Variants in MYLK observed in about 807,000 individuals in gnomAD.
The protein encoded by MYLK is myosin light chain kinase, smooth muscle.
MYLK carries 106 observed loss-of-function variants against 203.4 expected under a neutral mutation model. The ratio of observed to expected loss-of-function variants is 0.52; its 90% confidence interval spans 0.45 to 0.61. The LOEUF (loss-of-function observed/expected upper bound fraction) is 0.61, where lower values mean the gene tolerates loss of function less well. MYLK is among the 20% of genes least tolerant of loss of function. MYLK has a pLI of 0.00. For synonymous variants in MYLK, 867 were observed against 959.5 expected (o/e 0.90, Z 1.78); for missense variants, 2,072 against 2,442.3 (o/e 0.85, Z 3.20).
chr3:123,776,182 A>C (rs1036160198), intron 4 of MYLK, among the ~76,000 whole-genome samples: 4 of 152,198 alleles, frequency 2.6e-5, no homozygotes, highest in African/African-American at 9.7e-5. Context: ...CTACTGAAGG[A>C]TTCTTGGTTT....
chr3:123,650,083 A>G (rs546755345), intron 24 of MYLK, among the ~76,000 whole-genome samples: 7 of 152,296 alleles, frequency 4.6e-5, no homozygotes, highest in African/African-American at 1.4e-4. Context: ...CCAGCACAGC[A>G]CGCCCACTTC....
At chr3:123,810,993 A>G (rs934697937) in intron 3 of MYLK, among the ~76,000 whole-genome samples, 2 of 152,170 alleles carry the variant, frequency 1.3e-5, no homozygotes, top group Non-Finnish European at 2.9e-5. Flanking sequence ...AGGCTAACAC[A>G]TGTTTCTCCT....
chr3:123,880,551 T>C (rs1219957992), intron 1 of MYLK, among the ~76,000 whole-genome samples: 1 of 150,150 alleles, frequency 6.7e-6, no homozygotes, highest in African/African-American at 2.5e-5. Context: ...GGGCTTTCTG[T>C]CTCCAGAGGG....
chr3:123,766,681 G>C (rs1034313026), intron 4 of MYLK, among the ~76,000 whole-genome samples: 1 of 152,266 alleles, frequency 6.6e-6, no homozygotes, highest in South Asian at 2.1e-4. Context: ...ATTCCAGGTC[G>C]TGCCAGCACA....
chr3:123,721,336 G>A (rs1200537132), intron 13 of MYLK, among the ~76,000 whole-genome samples: 1 of 151,980 alleles, frequency 6.6e-6, no homozygotes. Flanking sequence ...CACAGGAGCC[G>A]GGGGCATAGG....
chr3:123,787,702 C>A (rs1013171729), intron 4 of MYLK, among the ~76,000 whole-genome samples: 1 of 152,100 alleles, frequency 6.6e-6, no homozygotes, highest in Non-Finnish European at 1.5e-5. Flanking sequence ...CAGGTTCTTA[C>A]CCTACAAAAA....
intron 2 of MYLK, among the ~76,000 whole-genome samples, chr3:123,835,440 C>A (rs2066452637): frequency 6.6e-6 from 1 of 152,126 alleles, no homozygotes; most frequent in Admixed American, 6.5e-5. Context: ...GGTGGAAGAC[C>A]TGAAGACAGA....
At chr3:123,704,767 A>T (rs1419907854) in intron 16 of MYLK, among the ~76,000 whole-genome samples, 1 of 149,362 alleles carries the variant, frequency 6.7e-6, no homozygotes, top group East Asian at 2.0e-4. Flanking sequence ...AAAAAAAAAA[A>T]AAATTAGCCG....
chr3:123,715,562 G>A (rs1410961378), intron 13 of MYLK, among the ~76,000 whole-genome samples: 1 of 152,164 alleles, frequency 6.6e-6, no homozygotes, highest in Non-Finnish European at 1.5e-5. Flanking sequence ...TTATTTAGAG[G>A]AAGAGTTAGG....
chr3:123,750,614 T>C (rs956304371), intron 5 of MYLK, among the ~76,000 whole-genome samples: 2 of 152,204 alleles, frequency 1.3e-5, no homozygotes, highest in Non-Finnish European at 2.9e-5. Flanking sequence ...GAAAGACAGG[T>C]GCAGAGGTTT....
At chr3:123,627,404 A>G (rs2058201173) in intron 30 of MYLK, among the ~76,000 whole-genome samples, 1 of 152,214 alleles carries the variant, frequency 6.6e-6, no homozygotes, top group African/African-American at 2.4e-5. Flanking sequence ...TTCATGTTTA[A>G]TGTCTTACGG....
chr3:123,859,675 C>T (rs1324709139), intron 2 of MYLK, among the ~76,000 whole-genome samples: 1 of 152,190 alleles, frequency 6.6e-6, no homozygotes, highest in African/African-American at 2.4e-5. Context: ...GAGTAAAAGA[C>T]AAATCGTTTA....
At chr3:123,713,962 TA>T (rs1347422995) in intron 13 of MYLK, among the ~76,000 whole-genome samples, 1 of 152,140 alleles carries the variant, frequency 6.6e-6, no homozygotes, top group Non-Finnish European at 1.5e-5. Context: ...ACAAGCAGTA[TA>T]AAAATCAATG....
At chr3:123,622,081 C>T (rs2057897952) in intron 31 of MYLK, 1 of 152,278 alleles carries the variant, frequency 6.6e-6, no homozygotes, top group Non-Finnish European at 1.5e-5. Flanking sequence ...TTACCCTGCC[C>T]TCAGGAACAG....
intron 20 of MYLK, among the ~76,000 whole-genome samples, chr3:123,672,200 A>C (rs958171611): frequency 3.2e-5 from 2 of 62,992 alleles, no homozygotes; most frequent in Non-Finnish European, 7.4e-5. Context: ...AGACAGGGGC[A>C]GGGGGAGGAG....
At position 123,682,239 on chromosome 3, in the gene MYLK, C is replaced by T. The variant is rs368390254; in HGVS notation, c.3637G>A (p.Val1213Met). The change falls in exon 20 of 34, where the codon GTG becomes ATG. Residue 1213 changes from valine (V) to methionine (M), a missense_variant. Around this residue, in one of 3 missense-constraint regions of MYLK, gnomAD observed 865 missense variants for 1,016.0 expected, o/e 0.85. Coordinates refer to ENST00000360304, the MANE Select transcript of MYLK (RefSeq NM_053025.4). ...GAGTACTCACTCTCAGTTCCTAGCACGGGAGGAAGAGAGCTCTTGGGCCTC... is the reference window on the plus strand; with the variant it reads ...GAGTACTCACTCTCAGTTCCTAGCATGGGAGGAAGAGAGCTCTTGGGCCTC... The part of the protein sequence containing the change: ...SRRPKSSLPP[V>M]LGTESDATVK... The T allele has an allele frequency of 2.5e-4, 396 of 1,601,306 alleles. No homozygotes were observed. The highest frequency in any genetic ancestry group is 3.0e-4 in the Non-Finnish European group (350 of 1,174,194).
At position 123,667,641 on chromosome 3, in the gene MYLK, T is replaced by C. The variant is rs150638449; in HGVS notation, c.3653-454A>G. On this transcript the variant is annotated intron_variant, in intron 20 of 33. Transcript: ENST00000360304. ...AGAAAAAAGAAAGTAAATGAATATG[T>C]CTTTTGAGAGATCACTTTGCCCTTT... Among the ~76,000 whole-genome samples, 810 of 151,806 alleles carry C rather than the reference T, an allele frequency of 5.3e-3. 3 individuals carry two copies. The highest frequency in any genetic ancestry group is 0.019 in the African/African-American group (773 of 41,414).
At chr3:123,809,975 T>G (rs2065500560) in intron 3 of MYLK, among the ~76,000 whole-genome samples, 1 of 152,182 alleles carries the variant, frequency 6.6e-6, no homozygotes, top group Non-Finnish European at 1.5e-5. Flanking sequence ...ACAAAAGGAT[T>G]GAGAAGATGG....
intron 13 of MYLK, among the ~76,000 whole-genome samples, chr3:123,717,724 T>C (rs2061944690): frequency 6.6e-6 from 1 of 152,210 alleles, no homozygotes; most frequent in Non-Finnish European, 1.5e-5. Flanking sequence ...TTAATCATCC[T>C]GGATCAGGAC....
Sources: gnomAD v4.1 joint callset for allele counts (sites outside exome capture counted in the v4.1 genomes callset) on GRCh38, gnomAD v4.1.1 for gene constraint, gnomAD v4.1.1 regional missense constraint, MANE v1.5 for transcripts, NCBI Gene and HGNC (gene_info 2026-07-23, HGNC 2026-07-21) for gene names.